The following SPG11 variants were observed in gnomAD, a reference collection of about 807,000 sequenced individuals.
SPG11 encodes the protein spatacsin.
A neutral mutation model predicts 274.0 loss-of-function variants in SPG11; 222 were observed. That is an observed-to-expected ratio of 0.81 (90% CI 0.73 to 0.91). The LOEUF (loss-of-function observed/expected upper bound fraction) is 0.91, where lower values mean the gene tolerates loss of function less well. Ranked by LOEUF, SPG11 falls within the 40% of genes least tolerant of loss-of-function variation. The pLI is 0.00. For missense variants in SPG11, 3,114 were observed against 2,872.7 expected (o/e 1.08, Z -1.92); for synonymous variants, 1,144 against 1,039.7 (o/e 1.10, Z -1.93).
At position 44,615,434 on chromosome 15, in the gene SPG11, A is replaced by G. The variant is rs767832837; in HGVS notation, c.2967T>C (p.His989=). 11 of 1,614,010 alleles carry G rather than the reference A, an allele frequency of 6.8e-6. No homozygotes were observed. The highest frequency in any genetic ancestry group is 2.2e-5 in the South Asian group (2 of 91,090). ...NYKTKEGWDF[H]SQFILYCLEH... ...CCAAACAATAGAGAATGAATTGAGAATGGAAATCCCAACCTTCTTTGGTCT... is the reference window on the plus strand; with the variant it reads ...CCAAACAATAGAGAATGAATTGAGAGTGGAAATCCCAACCTTCTTTGGTCT... The change falls in exon 16 of 40, where the codon CAT becomes CAC. Residue 989 remains histidine (H), a synonymous_variant. Coordinates refer to ENST00000261866, the MANE Select transcript of SPG11 (RefSeq NM_025137.4).
At chr15:44,593,595 C>T (rs969733370) in intron 26 of SPG11, among the ~76,000 whole-genome samples, 11 of 152,100 alleles carry the variant, frequency 7.2e-5, no homozygotes, top group African/African-American at 2.4e-4. Flanking sequence ...CAGTGGGAGT[C>T]GCTCAGTCAG....
Position 44,563,285 on chromosome 15 carries a change from G to C in SPG11, c.7168C>G (p.Pro2390Ala). The stretch of plus-strand genomic sequence containing the variant: ...AGGTTTTCCATGACCATGTCAGTAG[G>C]CTGATGTTGTTTATATCTAGATAAA... ...EISKKYKQHQ[P>A]TDMVMENLKK... Residue 2390 changes from proline (P) to alanine (A), a missense_variant, in exon 40 of 40, where the codon CCT (proline) becomes GCT (alanine). Transcript: ENST00000261866. 1 of 1,613,238 alleles carries C rather than the reference G, an allele frequency of 6.2e-7. No homozygotes were observed. The highest frequency in any genetic ancestry group is 1.1e-5 in the South Asian group (1 of 91,052).
Position 44,659,278 on chromosome 15 carries a change from G to C in SPG11, c.468C>G (p.Ile156Met). 21 of 1,613,620 alleles carry C rather than the reference G, an allele frequency of 1.3e-5. No homozygotes were observed. Among genetic ancestry groups the C allele is most frequent in the Non-Finnish European group, 1.7e-5 (20 of 1,179,526 alleles). Residue 156 changes from isoleucine to methionine, a missense_variant, in exon 3 of 40, where the codon ATC becomes ATG. By Grantham distance (10) the Ile-to-Met change is conservative. Transcript: ENST00000261866. Reference sequence around the variant, plus strand: ...ATGATGTGTTATTGTGAAATGACAGGATTCTCAAAGACAATAAGGAAATAC... The same window carrying C: ...ATGATGTGTTATTGTGAAATGACAGCATTCTCAAAGACAATAAGGAAATAC... The part of the protein sequence containing the change: ...DISISLLSLR[I>M]LSFHNNTSLL...
intron 30 of SPG11, among the ~76,000 whole-genome samples, chr15:44,582,071 A>C (rs1031041142): frequency 2.6e-5 from 4 of 152,214 alleles, no homozygotes; most frequent in African/African-American, 9.6e-5. Context: ...TAAGAAATTG[A>C]ATTTGTGGTT....
At chr15:44,631,709 T>G (rs540508682) in intron 8 of SPG11, among the ~76,000 whole-genome samples, 1 of 151,506 alleles carries the variant, frequency 6.6e-6, no homozygotes, top group Non-Finnish European at 1.5e-5. Context: ...CTCACTATGT[T>G]GCCCAGGCTG....
Position 44,615,516 on chromosome 15 carries a change from A to G in SPG11, c.2885T>C (p.Leu962Pro), listed in dbSNP as rs759969829. 7 of 1,614,036 alleles carry G rather than the reference A, an allele frequency of 4.3e-6. No individual in the cohort carries two copies. Among genetic ancestry groups the G allele is most frequent in the Non-Finnish European group, 5.9e-6 (7 of 1,180,016 alleles). ...SELEDFECFL[L>P]RLSRIGGVIQ... ...TACACCTCCAATACGGCTCAGTCTT[A>G]GGAGGAAGCATTCAAAGTCTTCCAG... The change falls in exon 16 of 40, where the codon CTA becomes CCA. Residue 962 changes from leucine to proline, a missense_variant. Physicochemically the swap from Leu to Pro is moderately conservative, Grantham distance 98. Transcript: ENST00000261866.
At chr15:44,608,389 T>C in intron 19 of SPG11, 55 bp downstream of exon 19, 1 of 1,572,728 alleles carries the variant, frequency 6.4e-7, no homozygotes, top group Non-Finnish European at 8.8e-7. Context: ...GAGTGATTTC[T>C]GTTTTCCTGG....
At position 44,565,909 on chromosome 15, in the gene SPG11, T is replaced by G. The variant is rs200276333; in HGVS notation, c.6944A>C (p.Asn2315Thr). ...GTCCATCAGCTTGTGGCGGCCCAAG[T>G]TGATGAGCATTGTGTTCTGGCCAGT... ...LNTGQNTMLINLGRHKLMDCI... is the reference protein window; with the variant it reads ...LNTGQNTMLITLGRHKLMDCI... Residue 2315 changes from asparagine (N) to threonine (T), a missense_variant, in exon 38 of 40, where the codon AAC (asparagine) becomes ACC (threonine). Coordinates refer to ENST00000261866, the MANE Select transcript of SPG11 (RefSeq NM_025137.4). 147 of 1,613,584 alleles carry G rather than the reference T, an allele frequency of 9.1e-5. 1 individual carries two copies. The highest frequency in any genetic ancestry group is 5.3e-4 in the South Asian group (48 of 90,972).
Position 44,595,308 on chromosome 15 carries a change from G to A in SPG11, c.4586C>T (p.Thr1529Ile), listed in dbSNP as rs975924630. ...DLSVIWRTLL[T>I]RQKSKTLIRG... is the part of the protein sequence containing the mutation. ...GATGAGAGTTTTGCTCTTTTGTCTT[G>A]TTAATAATGTTCTCCAGATGACTGA... The change falls in exon 26 of 40, where the codon ACA (threonine) becomes ATA (isoleucine). Residue 1529 changes from threonine (T) to isoleucine (I), a missense_variant. By Grantham distance (89) the Thr-to-Ile change is moderately conservative. Coordinates refer to ENST00000261866, the MANE Select transcript of SPG11 (RefSeq NM_025137.4). The A allele has an allele frequency of 1.2e-6, 2 of 1,614,200 alleles. No individual in the cohort carries two copies. The highest frequency in any genetic ancestry group is 1.6e-4 in the Middle Eastern group (1 of 6,062).
At chr15:44,621,535 A>C (rs1039363453) in intron 14 of SPG11, 12 of 508,910 alleles carry the variant, frequency 2.4e-5, no homozygotes, top group Non-Finnish European at 4.2e-5. Flanking sequence ...CTCAGCCTTG[A>C]AATCTCAATT....
In SPG11 at chr15:44,620,271, G is replaced by A; in HGVS notation, c.2753C>T (p.Pro918Leu). 1 of 1,613,914 alleles carries A rather than the reference G, an allele frequency of 6.2e-7. No individual in the cohort carries two copies. Among genetic ancestry groups the A allele is most frequent in the Non-Finnish European group, 8.5e-7 (1 of 1,179,974 alleles). ...SYASLQQNKW[P>L]LLTVDVINQN... ...GTTAATAACATCAACAGTCAGAAGG[G>A]GCCATTTGTTCTGCTGAAGTGAAGC... The change falls in exon 15 of 40, where the codon CCC (proline) becomes CTC (leucine). Residue 918 changes from proline (P) to leucine (L), a missense_variant. Transcript: ENST00000261866.
chr15:44,652,501 T>C (rs540368712), intron 4 of SPG11, among the ~76,000 whole-genome samples: 1 of 152,312 alleles, frequency 6.6e-6, no homozygotes, highest in East Asian at 1.9e-4. Context: ...TACTGTCTAC[T>C]ATATTTCAGA....
At chr15:44,578,738 G>A (rs2082598406) in intron 30 of SPG11, among the ~76,000 whole-genome samples, 1 of 152,192 alleles carries the variant, frequency 6.6e-6, no homozygotes, top group Admixed American at 6.5e-5. Context: ...CACAGGCAGT[G>A]GTTTGGAACT....
chr15:44,633,205 G>A (rs193063880), intron 8 of SPG11, among the ~76,000 whole-genome samples: 68 of 151,308 alleles, frequency 4.5e-4, no homozygotes, highest in African/African-American at 1.6e-3. Flanking sequence ...TGGCATACAC[G>A]TGTAGTCCCA....
At chr15:44,617,047 C>G (rs1391550951) in intron 15 of SPG11, among the ~76,000 whole-genome samples, 1 of 152,218 alleles carries the variant, frequency 6.6e-6, no homozygotes, top group Non-Finnish European at 1.5e-5. Flanking sequence ...CTACTCTGTT[C>G]CTGGAGGCTC....
At chr15:44,606,896 T>C (rs1256066478) in intron 19 of SPG11, among the ~76,000 whole-genome samples, 1 of 152,210 alleles carries the variant, frequency 6.6e-6, no homozygotes, top group Non-Finnish European at 1.5e-5. Flanking sequence ...CTACTTTACG[T>C]AGTGAAACTA....
intron 4 of SPG11, among the ~76,000 whole-genome samples, chr15:44,653,672 A>T (rs2084851958): frequency 1.3e-5 from 2 of 152,210 alleles, no homozygotes. Flanking sequence ...TTTAGGAGAC[A>T]GAAAGGGTAG....
chr15:44,573,661 G>A lies in SPG11; in HGVS notation c.6091C>T (p.Arg2031Ter), dbSNP rs147713329. Residue 2031 changes from arginine to a stop codon, truncating the protein, a stop_gained, in exon 32 of 40, where the codon CGA becomes TGA. Coordinates refer to ENST00000261866, the MANE Select transcript of SPG11 (RefSeq NM_025137.4). LOFTEE classifies it high-confidence loss of function. The stretch of plus-strand genomic sequence containing the variant: ...ATGAAGGCCTGGGCTCGTTTGCATC[G>A]GTCAGGCTGCTGAGAGGCCAAGATT... The part of the protein sequence containing the change: ...RKILASQQPD[R>*]CKRAQAFIST... The A allele has an allele frequency of 3.7e-6, 6 of 1,614,158 alleles. No individual in the cohort carries two copies. Among genetic ancestry groups the A allele is most frequent in the African/African-American group, 1.3e-5 (1 of 75,032 alleles).
In SPG11 at chr15:44,573,644, C is replaced by T; in HGVS notation, c.6108G>A (p.Gln2036=). 6.2e-7 allele frequency: 1 copy of T among 1,614,232 alleles called. No homozygotes were observed. Among genetic ancestry groups the T allele is most frequent in the Non-Finnish European group, 8.5e-7 (1 of 1,180,052 alleles). Residue 2036 remains glutamine (Q), a synonymous_variant, in exon 32 of 40, where the codon CAG becomes CAA. Coordinates refer to ENST00000261866, the MANE Select transcript of SPG11 (RefSeq NM_025137.4). The part of the protein sequence containing the change: ...SQQPDRCKRA[Q]AFISTQGLKP... ...TAAGGCCCTGTGTGCTGATGAAGGC[C>T]TGGGCTCGTTTGCATCGGTCAGGCT...
Sources: gnomAD v4.1 joint callset for allele counts (sites outside exome capture counted in the v4.1 genomes callset) on GRCh38, gnomAD v4.1.1 for gene constraint, MANE v1.5 for transcripts, NCBI Gene and HGNC (gene_info 2026-07-23, HGNC 2026-07-21) for gene names.